The following CORO7 variants were observed in gnomAD, a reference collection of about 807,000 sequenced individuals.
The protein encoded by CORO7 is coronin 7.
In CORO7, 107 loss-of-function variants were observed where a neutral mutation model predicts 126.6. That is an observed-to-expected ratio of 0.85 (90% confidence interval 0.72 to 0.99). The LOEUF is 0.99. Ranked by LOEUF, CORO7 falls within the 50% of genes least tolerant of loss-of-function variation. The pLI is 0.00. For synonymous variants in CORO7, 603 were observed against 536.8 expected, an observed-to-expected ratio of 1.12 and a Z score of -1.70; for missense variants, 1,314 against 1,255.8, an observed-to-expected ratio of 1.05 and a Z score of -0.70.
chr16:4,371,982 C>T (rs1343226289), intron 9 of CORO7: 7 of 152,620 alleles, frequency 4.6e-5, no homozygotes, highest in Non-Finnish European at 8.8e-5. Context: ...CCTGCGCCGC[C>T]GCCGCCTCCC....
rs187812069 is a variant in CORO7 at position 4,358,591 on chromosome 16, G to A, written c.2341-108C>T. The A allele has an allele frequency of 7.6e-5, 78 of 1,031,696 alleles. No individual in the cohort carries two copies. In the East Asian group the frequency reaches 1.9e-3, roughly 25 times the overall value. The allele number at this position is 1,031,696 out of a possible 1,614,324, so 63.9% of individuals were successfully genotyped here. On this transcript the variant is annotated intron_variant, in intron 23 of 27. Coordinates refer to ENST00000251166, the MANE Select transcript of CORO7 (RefSeq NM_024535.5). Reference sequence around the variant, plus strand: ...CCTCACTTAGGACCACCATGCCTAGGGCCTGTCCCTGGACAGTAACGTGTT... The same window carrying A: ...CCTCACTTAGGACCACCATGCCTAGAGCCTGTCCCTGGACAGTAACGTGTT...
intron 19 of CORO7, 42 bp from the exon 20 acceptor site, chr16:4,360,590 G>T: frequency 6.4e-7 from 1 of 1,552,456 alleles, no homozygotes; most frequent in Non-Finnish European, 8.7e-7. Context: ...TTGCTTCACT[G>T]CTGGCCCCAC....
intron 9 of CORO7, among the ~76,000 whole-genome samples, chr16:4,366,920 C>T (rs1423538758): frequency 1.3e-5 from 2 of 152,168 alleles, no homozygotes; most frequent in Non-Finnish European, 2.9e-5. Flanking sequence ...GGACCCCGTC[C>T]CCACTGTGTT....
At chr16:4,393,762 C>G (rs1371287237) in intron 7 of CORO7, among the ~76,000 whole-genome samples, 2 of 152,180 alleles carry the variant, frequency 1.3e-5, no homozygotes, top group African/African-American at 2.4e-5. Flanking sequence ...CTTCACCTTC[C>G]TCAGGGAATA....
At chr16:4,376,374 G>C (rs999644892) in intron 9 of CORO7, among the ~76,000 whole-genome samples, 2 of 152,334 alleles carry the variant, frequency 1.3e-5, no homozygotes, top group African/African-American at 2.4e-5. Flanking sequence ...CGGCCACACA[G>C]AGCCTTGGCG....
At chr16:4,370,359 C>A (rs2054482296) in intron 9 of CORO7, among the ~76,000 whole-genome samples, 1 of 152,168 alleles carries the variant, frequency 6.6e-6, no homozygotes, top group Non-Finnish European at 1.5e-5. Flanking sequence ...CTGGGGTGAC[C>A]CATGAGCCCA....
At chr16:4,397,462 A>C (rs1186695427) in intron 6 of CORO7, 1 of 151,880 alleles carries the variant, frequency 6.6e-6, no homozygotes, top group East Asian at 1.9e-4. Flanking sequence ...TAAAAAAAAA[A>C]CAAAAAAGCT....
At chr16:4,360,207 G>C in intron 21 of CORO7, 71 bp downstream of exon 21, 1 of 1,597,576 alleles carries the variant, frequency 6.3e-7, no homozygotes, top group Non-Finnish European at 8.6e-7. Context: ...CCTGACAAAT[G>C]TATGTGACTG....
At position 4,361,154 on chromosome 16, in the gene CORO7, T is replaced by A. The variant is rs778145331; in HGVS notation, c.1774+8A>T. On this transcript the variant is annotated splice_region_variant and intron_variant, in intron 18 of 27. Coordinates refer to ENST00000251166, the MANE Select transcript of CORO7 (RefSeq NM_024535.5). Reference sequence around the variant, plus strand: ...GCCACCCCAGCCCCATTCCTGAGCCTGCCTGACCTGTGAGCACAGTCTCTG... The same window carrying A: ...GCCACCCCAGCCCCATTCCTGAGCCAGCCTGACCTGTGAGCACAGTCTCTG... 2 of 1,613,244 alleles carry A rather than the reference T, an allele frequency of 1.2e-6. No homozygotes were observed. The highest frequency in any genetic ancestry group is 1.7e-6 in the Non-Finnish European group (2 of 1,179,996).
rs772075590 is a variant in CORO7 at position 4,405,508 on chromosome 16, C to T, written c.547G>A (p.Val183Met). Reference sequence around the variant, plus strand: ...CTGCTCACCTTGCACGCCGTGCCCACCAGGGCTCCATCTCGGCTCCAGACG... The same window carrying T: ...CTGCTCACCTTGCACGCCGTGCCCATCAGGGCTCCATCTCGGCTCCAGACG... Reference protein sequence around the residue: ...SAVWSRDGALVGTACKDKQLR... With the variant: ...SAVWSRDGALMGTACKDKQLR... The change falls in exon 6 of 28, where the codon GTG becomes ATG. Residue 183 changes from valine (V) to methionine (M), a missense_variant. Physicochemically the swap from Val to Met is conservative, Grantham distance 21 (BLOSUM62 1). Transcript: ENST00000251166. The T allele has an allele frequency of 3.7e-6, 6 of 1,612,710 alleles. No individual in the cohort carries two copies. In the African/African-American group the frequency reaches 6.7e-5, roughly 18 times the overall value.
chr16:4,399,816 T>C (rs1243686709), intron 6 of CORO7, among the ~76,000 whole-genome samples: 3 of 151,824 alleles, frequency 2.0e-5, no homozygotes, highest in Admixed American at 2.0e-4. Flanking sequence ...GCTTGAGCCT[T>C]AGAGTTTGAG....
At chr16:4,373,451 G>A (rs1235388112) in intron 9 of CORO7, among the ~76,000 whole-genome samples, 1 of 152,132 alleles carries the variant, frequency 6.6e-6, no homozygotes, top group East Asian at 1.9e-4. Context: ...TGGGGTCCCA[G>A]GGCATTTGTC....
chr16:4,383,908 C>G (rs1435881862), intron 9 of CORO7, among the ~76,000 whole-genome samples: 1 of 152,226 alleles, frequency 6.6e-6, no homozygotes, highest in Non-Finnish European at 1.5e-5. Context: ...CCTGGGCTCT[C>G]TCATTCCAGG....
At chr16:4,389,113 G>A (rs1008176153) in intron 7 of CORO7, among the ~76,000 whole-genome samples, 1 of 152,196 alleles carries the variant, frequency 6.6e-6, no homozygotes, top group African/African-American at 2.4e-5. Context: ...AGGGCTTGTG[G>A]CAAAGCACCG....
At chr16:4,402,893 C>T (rs1226944876) in intron 6 of CORO7, among the ~76,000 whole-genome samples, 1 of 152,186 alleles carries the variant, frequency 6.6e-6, no homozygotes, top group Non-Finnish European at 1.5e-5. Context: ...GCCCCTTCAC[C>T]CAGTGGGAGT....
At chr16:4,412,611 A>C (rs1175742712) in intron 2 of CORO7, 181 bp from the exon 3 acceptor site, 1 of 622,960 alleles carries the variant, frequency 1.6e-6, no homozygotes, top group African/African-American at 1.8e-5. Flanking sequence ...GGCCCCATGC[A>C]TGAGCCATCC....
intron 6 of CORO7, among the ~76,000 whole-genome samples, chr16:4,403,351 G>C (rs4785961): frequency 0.63 from 96,417 of 152,038 alleles, 32,720 homozygotes; most frequent in Non-Finnish European, 0.77. Flanking sequence ...TACAGCAAAA[G>C]AAGGTGGCAG....
chr16:4,407,562 C>A lies in CORO7; in HGVS notation c.426G>T (p.Leu142=). The change falls in exon 5 of 28, where the codon CTG becomes CTT. Residue 142 remains leucine (L), a synonymous_variant. Transcript: ENST00000251166. The part of the protein sequence containing the change: ...LQFHPTSDGI[L]VSAAGTTVKV... Reference sequence around the variant, plus strand: ...TCACAGTGGTGCCTGCTGCGCTCACCAGAATGCCGTCAGAGGTGGGGTGGA... The same window carrying A: ...TCACAGTGGTGCCTGCTGCGCTCACAAGAATGCCGTCAGAGGTGGGGTGGA... 1 of 1,585,714 alleles carries A rather than the reference C, an allele frequency of 6.3e-7. No individual in the cohort carries two copies. The highest frequency in any genetic ancestry group is 2.3e-5 in the East Asian group (1 of 43,298).
intron 19 of CORO7, 86 bp from the exon 20 acceptor site, chr16:4,360,634 G>A: frequency 2.0e-6 from 3 of 1,484,450 alleles, no homozygotes; most frequent in South Asian, 2.6e-5. Flanking sequence ...CCTCACTGCT[G>A]GCGCCGCCCC....
Sources: gnomAD v4.1 joint callset for allele counts (sites outside exome capture counted in the v4.1 genomes callset) on GRCh38, gnomAD v4.1.1 for gene constraint, MANE v1.5 for transcripts, NCBI Gene and HGNC (gene_info 2026-07-23, HGNC 2026-07-21) for gene names.